The following RP1 variants were observed in gnomAD, a reference collection of about 807,000 sequenced individuals.
RP1 encodes the protein oxygen-regulated protein 1.
RP1 carries 16 observed loss-of-function variants against 14.8 expected under a neutral mutation model. That is an observed-to-expected ratio of 1.08 (90% CI 0.73 to 1.65). The LOEUF (loss-of-function observed/expected upper bound fraction) is 1.65, where lower values mean the gene tolerates loss of function less well. Among genes scored for constraint, RP1 ranks in the 40% most tolerant of loss-of-function variants. The probability of loss-of-function intolerance (pLI) is 0.00; values close to 1 mark genes in which losing one functional copy is unlikely to be tolerated. For missense variants in RP1, 2,631 were observed against 2,535.0 expected (o/e 1.04, Z -0.81); for synonymous variants, 876 against 883.6 (o/e 0.99, Z 0.15).
intron 24 of RP1, among the ~76,000 whole-genome samples, chr8:54,807,139 G>A (rs1254465180): frequency 1.3e-5 from 2 of 152,136 alleles, no homozygotes; most frequent in Non-Finnish European, 2.9e-5. Context: ...TTATGAGGTA[G>A]GATGCAAAAG....
intron 1 of RP1, among the ~76,000 whole-genome samples, chr8:54,605,388 A>C (rs974695244): frequency 1.3e-5 from 2 of 152,320 alleles, no homozygotes; most frequent in Non-Finnish European, 2.9e-5. Context: ...GTTTGATTGC[A>C]CTGTGGTCTG....
At chr8:54,696,517 G>A (rs145094026) in intron 12 of RP1, 14,096 of 824,080 alleles carry the variant, frequency 0.017, 239 homozygotes, top group African/African-American at 0.065. Flanking sequence ...CAAAGAAGGA[G>A]CAGAGGAAAG....
chr8:54,612,538 G>A (rs1291622346), upstream of RP1, among the ~76,000 whole-genome samples: 2 of 152,146 alleles, frequency 1.3e-5, no homozygotes, highest in Admixed American at 1.3e-4. Context: ...TTGTCCAAGT[G>A]GGGAGATGAG....
chr8:54,656,129 T>C (rs1806750014), exon 6 of RP1: 1 of 1,535,452 alleles, frequency 6.5e-7, no homozygotes, highest in African/African-American at 1.4e-5. Flanking sequence ...TATGTACCTG[T>C]TCAACGATGG....
chr8:54,703,992 G>A (rs933235608), intron 14 of RP1, among the ~76,000 whole-genome samples: 3 of 152,130 alleles, frequency 2.0e-5, no homozygotes, highest in Admixed American at 1.3e-4. Context: ...GGAACATTGT[G>A]GTTGGTTTTG....
chr8:54,869,425 A>G (rs1367940983), intron 28 of RP1, among the ~76,000 whole-genome samples: 4 of 152,166 alleles, frequency 2.6e-5, no homozygotes, highest in Non-Finnish European at 5.9e-5. Flanking sequence ...ACTTCTTTCC[A>G]TATATGGTTT....
At chr8:54,709,186 G>A (rs917935990) in intron 15 of RP1, among the ~76,000 whole-genome samples, 1 of 152,202 alleles carries the variant, frequency 6.6e-6, no homozygotes, top group African/African-American at 2.4e-5. Flanking sequence ...GATACATGAG[G>A]CAGAGGTGAT....
At chr8:54,734,662 A>G (rs1808875177) in exon 18 of RP1, 2 of 1,535,714 alleles carry the variant, frequency 1.3e-6, no homozygotes, top group Non-Finnish European at 1.7e-6. Context: ...GTGTATGGAG[A>G]TAAAGGAGTC....
chr8:54,693,549 A>G (rs199691948), intron 12 of RP1, among the ~76,000 whole-genome samples: 27 of 151,950 alleles, frequency 1.8e-4, no homozygotes, highest in Non-Finnish European at 3.4e-4. Context: ...TTGTAAGTTG[A>G]ATTCCTAGAT....
At chr8:54,830,939 A>G (rs1316703335) in intron 24 of RP1, among the ~76,000 whole-genome samples, 4 of 152,146 alleles carry the variant, frequency 2.6e-5, no homozygotes, top group African/African-American at 9.6e-5. Context: ...ATTTTATATC[A>G]ATGGGTTCAT....
chr8:54,755,494 C>A, intron 20 of RP1: 1 of 872,752 alleles, frequency 1.1e-6, no homozygotes, highest in Admixed American at 2.9e-5. Flanking sequence ...ATCCAGATTA[C>A]AGGAATTCTC....
chr8:54,567,590 A>C (rs992490064), intron 1 of RP1, among the ~76,000 whole-genome samples: 1 of 152,134 alleles, frequency 6.6e-6, no homozygotes. Context: ...CTTTAAAAGC[A>C]ATAAGCAATG....
intron 1 of RP1, among the ~76,000 whole-genome samples, chr8:54,610,533 G>T (rs1435374145): frequency 6.6e-6 from 1 of 152,054 alleles, no homozygotes; most frequent in Non-Finnish European, 1.5e-5. Flanking sequence ...CTGCCTACTT[G>T]ATATTTCTAT....
chr8:54,585,839 C>G (rs1375177998), intron 1 of RP1, among the ~76,000 whole-genome samples: 1 of 152,202 alleles, frequency 6.6e-6, no homozygotes, highest in African/African-American at 2.4e-5. Context: ...CCGTGGTTTT[C>G]AGCTCCATCA....
chr8:54,583,663 T>A (rs1804850933), intron 1 of RP1, among the ~76,000 whole-genome samples: 1 of 152,246 alleles, frequency 6.6e-6, no homozygotes, highest in Non-Finnish European at 1.5e-5. Context: ...TATTAATTAT[T>A]GCCTCAATTT....
At chr8:54,698,101 G>A (rs769118296) in intron 12 of RP1, among the ~76,000 whole-genome samples, 7 of 152,116 alleles carry the variant, frequency 4.6e-5, no homozygotes, top group Non-Finnish European at 1.0e-4. Context: ...AGAGTGAACA[G>A]GCCACCTACA....
chr8:54,697,811 A>AG (rs1194609301), intron 12 of RP1, among the ~76,000 whole-genome samples: 2 of 152,218 alleles, frequency 1.3e-5, no homozygotes, highest in African/African-American at 4.8e-5. Flanking sequence ...TATTTAATAA[A>AG]TGGTGCTGGG....
Position 54,589,301 on chromosome 8 carries a change from T to C in RP1, c.-13+29981T>C, listed in dbSNP as rs543088128. Among the ~76,000 whole-genome samples the C allele has an allele frequency of 9.4e-4, 143 of 152,348 alleles. No individual in the cohort carries two copies. The Middle Eastern group carries it at 0.014, about 14-fold the overall frequency. On this transcript the variant is annotated intron_variant, in intron 1 of 22. Coordinates refer to the RP1 transcript ENST00000636932. ...CTTTTCATGAAGGAGGATAATATCC[T>C]GAATTTGGAAATTTTGGATAATTTT...
At chr8:54,662,976 C>T (rs1806934132) in intron 6 of RP1, among the ~76,000 whole-genome samples, 2 of 152,120 alleles carry the variant, frequency 1.3e-5, no homozygotes, top group South Asian at 4.2e-4. Context: ...GTTTTTCTCT[C>T]CTTGATCTCA....
Sources: gnomAD v4.1 joint callset for allele counts (sites outside exome capture counted in the v4.1 genomes callset) on GRCh38, gnomAD v4.1.1 for gene constraint, MANE v1.5 for transcripts, NCBI Gene and HGNC (gene_info 2026-07-23, HGNC 2026-07-21) for gene names.